Variants in TRAPPC9 observed in about 807,000 individuals in gnomAD.
The protein encoded by TRAPPC9 is trafficking protein particle complex subunit 9.
Under a neutral mutation model 124.0 loss-of-function variants are expected in TRAPPC9, and 83 were observed. The observed-to-expected ratio is 0.67, with a 90% CI of 0.56 to 0.80. TRAPPC9 has a LOEUF of 0.80. Among genes scored for constraint, TRAPPC9 ranks in the 30% least tolerant of loss-of-function variants. The probability of loss-of-function intolerance (pLI) is 0.00; values close to 1 mark genes in which losing one functional copy is unlikely to be tolerated. For synonymous variants in TRAPPC9, 638 were observed against 617.5 expected (o/e 1.03, Z -0.49); for missense variants, 1,302 against 1,508.3 (o/e 0.86, Z 2.27).
chr8:140,051,731 A>G (rs75099409), intron 17 of TRAPPC9, among the ~76,000 whole-genome samples: 1,545 of 152,164 alleles, frequency 0.01, 24 homozygotes, highest in African/African-American at 0.035. Context: ...CATCGTAAGG[A>G]CGGCTGCTCC....
intron 21 of TRAPPC9, among the ~76,000 whole-genome samples, chr8:139,757,135 T>G (rs1405524118): frequency 1.1e-4 from 11 of 104,110 alleles, no homozygotes; most frequent in Admixed American, 3.0e-4. Flanking sequence ...AGCCAGGGTT[T>G]GAGGATGAGG....
intron 1 of TRAPPC9, among the ~76,000 whole-genome samples, chr8:140,453,261 G>A (rs2071532946): frequency 6.6e-6 from 1 of 152,112 alleles, no homozygotes; most frequent in Non-Finnish European, 1.5e-5. Context: ...AGCTAATGGG[G>A]TTCAGCTTCA....
At chr8:139,979,446 G>A (rs113017238) in intron 19 of TRAPPC9, among the ~76,000 whole-genome samples, 27 of 152,292 alleles carry the variant, frequency 1.8e-4, no homozygotes, top group Admixed American at 9.8e-4. Context: ...GGTGCTGCTC[G>A]CAGACAGCTG....
At chr8:140,076,603 A>G (rs918905828) in intron 17 of TRAPPC9, among the ~76,000 whole-genome samples, 1 of 152,166 alleles carries the variant, frequency 6.6e-6, no homozygotes, top group African/African-American at 2.4e-5. Context: ...TGCCCATCTG[A>G]AACTCAGAGA....
intron 21 of TRAPPC9, among the ~76,000 whole-genome samples, chr8:139,772,171 C>T (rs1377868588): frequency 6.6e-6 from 1 of 152,204 alleles, no homozygotes; most frequent in East Asian, 1.9e-4. Flanking sequence ...CCAAACGGCC[C>T]ACACGTGTGC....
chr8:139,825,991 G>A lies in TRAPPC9; in HGVS notation c.3055+59888C>T, dbSNP rs913103534. Among the ~76,000 whole-genome samples the A allele has an allele frequency of 6.6e-6, 1 of 152,178 alleles. No homozygotes were observed. Among genetic ancestry groups the A allele is most frequent in the Admixed American group, 6.5e-5 (1 of 15,280 alleles). ...TGTGCAACAGCAGGGGAGCTCCAGG[G>A]CCCCTGTCCTCTCCCAGGTGGGGGT... On this transcript the variant is annotated intron_variant, in intron 21 of 22. Transcript: ENST00000438773. This position sits in a 1 kb window ranked among gnomAD's most constrained non-coding sequence, Gnocchi z 4.6.
intron 5 of TRAPPC9, among the ~76,000 whole-genome samples, chr8:140,421,266 C>A (rs1399125390): frequency 1.3e-5 from 2 of 152,126 alleles, no homozygotes; most frequent in Non-Finnish European, 2.9e-5. Context: ...ATAAAGTCTA[C>A]CCCCATGCTG....
intron 17 of TRAPPC9, among the ~76,000 whole-genome samples, chr8:140,170,070 C>G (rs915456328): frequency 1.3e-5 from 2 of 152,108 alleles, no homozygotes; most frequent in African/African-American, 4.8e-5. Flanking sequence ...TTTTTAAAAG[C>G]ATTTTATTGG....
intron 17 of TRAPPC9, among the ~76,000 whole-genome samples, chr8:140,089,204 G>A (rs1339129558): frequency 6.6e-6 from 1 of 152,050 alleles, no homozygotes; most frequent in Non-Finnish European, 1.5e-5. Flanking sequence ...TCTCCCACTG[G>A]GCAGCCCGCT....
chr8:140,190,333 C>T (rs2062461691), intron 17 of TRAPPC9, among the ~76,000 whole-genome samples: 1 of 152,144 alleles, frequency 6.6e-6, no homozygotes, highest in Non-Finnish European at 1.5e-5. Flanking sequence ...TGGCAGGCGA[C>T]TGTAATCCCA....
intron 17 of TRAPPC9, among the ~76,000 whole-genome samples, chr8:140,218,259 A>G (rs968685879): frequency 1.3e-5 from 2 of 152,050 alleles, no homozygotes; most frequent in African/African-American, 4.8e-5. Context: ...TTCTATCCCC[A>G]GCTCTGAAAG....
At chr8:139,967,306 C>T (rs1226319822) in intron 19 of TRAPPC9, among the ~76,000 whole-genome samples, 2 of 151,790 alleles carry the variant, frequency 1.3e-5, no homozygotes, top group Non-Finnish European at 2.9e-5. Context: ...CGCAGCAGAG[C>T]CAAAACCAGG....
chr8:140,068,517 A>G (rs1373617867), intron 17 of TRAPPC9, among the ~76,000 whole-genome samples: 1 of 152,258 alleles, frequency 6.6e-6, no homozygotes, highest in African/African-American at 2.4e-5. Context: ...TATGAATTAA[A>G]TAAGTTTCAC....
At chr8:140,369,594 T>G (rs2068220210) in intron 8 of TRAPPC9, among the ~76,000 whole-genome samples, 1 of 152,080 alleles carries the variant, frequency 6.6e-6, no homozygotes, top group South Asian at 2.1e-4. Flanking sequence ...GGATTCATCA[T>G]AAAGCCATGA....
rs552637856 is a variant in TRAPPC9, at chr8:140,104,078, C to T, written c.2557-79999G>A. On this transcript the variant is annotated intron_variant, in intron 17 of 22. Transcript: ENST00000438773. This position sits in a 1 kb window ranked among gnomAD's most constrained non-coding sequence, Gnocchi z 4.0. ...TGTTTATTCATTCACTCAGCAGTTA[C>T]TTAGCACTTATCCTGGGTACCAAGC... Among the ~76,000 whole-genome samples, 30 of 152,340 alleles carry T rather than the reference C, an allele frequency of 2.0e-4. No individual in the cohort carries two copies. The highest frequency in any genetic ancestry group is 6.8e-3 in the Middle Eastern group (2 of 294).
At chr8:139,913,084 CA>C (rs1463628308) in intron 19 of TRAPPC9, among the ~76,000 whole-genome samples, 2 of 152,240 alleles carry the variant, frequency 1.3e-5, no homozygotes, top group Admixed American at 1.3e-4. Context: ...GGTCAGAGCA[CA>C]CGCTGGATGC....
chr8:140,158,939 G>C (rs897966086), intron 17 of TRAPPC9, among the ~76,000 whole-genome samples: 44 of 152,242 alleles, frequency 2.9e-4, no homozygotes, highest in Non-Finnish European at 4.4e-5. Flanking sequence ...ATGCATGTAT[G>C]TATTCATCCA....
At chr8:140,120,106 T>C (rs1359717429) in intron 17 of TRAPPC9, among the ~76,000 whole-genome samples, 1 of 152,316 alleles carries the variant, frequency 6.6e-6, no homozygotes, top group East Asian at 1.9e-4. Context: ...GTGTTTGGCA[T>C]GTATGTGTTC....
chr8:140,335,705 ATTT>A (rs10622473), intron 9 of TRAPPC9, among the ~76,000 whole-genome samples: 11 of 131,672 alleles, frequency 8.4e-5, no homozygotes, highest in African/African-American at 2.3e-4. Context: ...AGTCTTCACA[ATTT>A]TTTTTTTTTT....
Sources: gnomAD v4.1 joint callset for allele counts (sites outside exome capture counted in the v4.1 genomes callset) on GRCh38, gnomAD v4.1.1 for gene constraint, Gnocchi (gnomAD v3.1) non-coding constraint, MANE v1.5 for transcripts, NCBI Gene and HGNC (gene_info 2026-07-23, HGNC 2026-07-21) for gene names.